DDX60L: variants seen among roughly 807,000 people sequenced by gnomAD.
DDX60L encodes the protein probable ATP-dependent RNA helicase DDX60-like.
A neutral mutation model predicts 211.6 loss-of-function variants in DDX60L; 191 were observed. The ratio of observed to expected loss-of-function variants is 0.90; its 90% CI spans 0.80 to 1.02. The LOEUF is 1.02. Among genes scored for constraint, DDX60L ranks in the 50% least tolerant of loss-of-function variants. The pLI is 0.00. For missense variants in DDX60L, 2,007 were observed against 1,984.1 expected (o/e 1.01, Z -0.22); for synonymous variants, 706 against 694.1 (o/e 1.02, Z -0.27).
chr4:168,422,365 G>A (rs1302607818), intron 16 of DDX60L, among the ~76,000 whole-genome samples, 159 bp downstream of exon 16: 1 of 152,182 alleles, frequency 6.6e-6, no homozygotes, highest in Non-Finnish European at 1.5e-5. Flanking sequence ...GGGAAGAAAT[G>A]AATGATTTCT....
intron 14 of DDX60L, among the ~76,000 whole-genome samples, chr4:168,426,617 G>T (rs557855553): frequency 1.3e-5 from 2 of 152,184 alleles, no homozygotes; most frequent in Non-Finnish European, 2.9e-5. Context: ...TAAAAAGATA[G>T]TCTGGAAGTG....
chr4:168,443,948 A>G (rs2150012841), intron 9 of DDX60L, among the ~76,000 whole-genome samples: 2 of 117,770 alleles, frequency 1.7e-5, no homozygotes, highest in East Asian at 5.0e-4. Context: ...GACCAGCGAG[A>G]CTAGGAAGAA....
intron 30 of DDX60L, 125 bp from the exon 31 acceptor site, chr4:168,379,955 T>A: frequency 5.2e-6 from 3 of 577,514 alleles, no homozygotes; most frequent in Non-Finnish European, 8.9e-6. Flanking sequence ...AAAGTAAATT[T>A]CATTTGATTT....
At chr4:168,376,361 G>T (rs1053362104) in intron 33 of DDX60L, among the ~76,000 whole-genome samples, 2 of 152,000 alleles carry the variant, frequency 1.3e-5, no homozygotes, top group Admixed American at 6.6e-5. Flanking sequence ...ACTAAAATGG[G>T]GCACAAATTA....
Position 168,471,877 on chromosome 4 carries a change from G to A in DDX60L, c.134C>T (p.Ser45Phe), listed in dbSNP as rs768720908. Residue 45 changes from serine to phenylalanine, a missense_variant, in exon 4 of 38, where the codon TCC (serine) becomes TTC (phenylalanine). By Grantham distance (155) the Ser-to-Phe change is radical (BLOSUM62 -2). Transcript: ENST00000682922. ...TACACCCAGGCATGTGACAAGCAAG[G>A]AATCTCCATCAATCACAAAAAAATT... ...ESNFFVIDGD[S>F]LLVTCLGVKS... The A allele has an allele frequency of 1.2e-6, 2 of 1,612,158 alleles. No individual in the cohort carries two copies. Among genetic ancestry groups the A allele is most frequent in the African/African-American group, 1.3e-5 (1 of 74,880 alleles).
chr4:168,379,937 C>A, intron 30 of DDX60L, 107 bp from the exon 31 acceptor site: 2 of 676,328 alleles, frequency 3.0e-6, no homozygotes, highest in Non-Finnish European at 4.7e-6. Context: ...GTTACCAGAT[C>A]TTACGTGAAA....
chr4:168,405,236 G>C (rs1308561105), intron 24 of DDX60L, among the ~76,000 whole-genome samples: 1 of 152,056 alleles, frequency 6.6e-6, no homozygotes, highest in Admixed American at 6.6e-5. Context: ...ACAAGCTTCT[G>C]GCCTCAAGTG....
At chr4:168,383,635 G>A (rs145437461) in intron 30 of DDX60L, among the ~76,000 whole-genome samples, 524 of 152,250 alleles carry the variant, frequency 3.4e-3, no homozygotes, top group African/African-American at 0.012. Flanking sequence ...GGCTTCAAGA[G>A]GTAATTATTT....
At chr4:168,439,916 C>T (rs149713877) in intron 10 of DDX60L, among the ~76,000 whole-genome samples, 2 of 152,286 alleles carry the variant, frequency 1.3e-5, no homozygotes, top group African/African-American at 2.4e-5. Context: ...GAAATACTTA[C>T]GACCTATACT....
chr4:168,421,711 A>G, intron 17 of DDX60L, 49 bp downstream of exon 17: 2 of 1,602,576 alleles, frequency 1.2e-6, no homozygotes, highest in Non-Finnish European at 1.7e-6. Flanking sequence ...TTCTTTTTAA[A>G]GGGGATGTTC....
chr4:168,393,264 G>A (rs2149732487), intron 28 of DDX60L, among the ~76,000 whole-genome samples: 1 of 152,278 alleles, frequency 6.6e-6, no homozygotes, highest in East Asian at 1.9e-4. Context: ...GGGAGGCTGA[G>A]GTGGGCTGAT....
At chr4:168,399,657 A>G (rs950487895) in intron 26 of DDX60L, among the ~76,000 whole-genome samples, 15 of 152,244 alleles carry the variant, frequency 9.9e-5, no homozygotes, top group African/African-American at 3.4e-4. Context: ...AATGCCAAAT[A>G]ACAAATGGCA....
Position 168,472,481 on chromosome 4 carries a change from TA to T in DDX60L, c.47del (p.Leu16Ter). The T allele has an allele frequency of 6.4e-7, 1 of 1,571,912 alleles. No individual in the cohort carries two copies. The highest frequency in any genetic ancestry group is 8.6e-7 in the Non-Finnish European group (1 of 1,157,102). On this transcript the variant is annotated frameshift_variant, in exon 3 of 38. Transcript: ENST00000682922. LOFTEE classifies it high-confidence loss of function. ...HAVFFREMTQ[L>X]ILNEMPKAGY... is the part of the protein sequence containing the mutation. ...CAGCTTTTGGCATTTCATTCAAAAT[TA>T]ACTGTGTCATTTCCCTGAAAAATAC...
chr4:168,369,109 C>A (rs572950606), intron 36 of DDX60L, among the ~76,000 whole-genome samples: 10 of 152,128 alleles, frequency 6.6e-5, no homozygotes, highest in Admixed American at 3.3e-4. Flanking sequence ...TTGGGAGGGG[C>A]CAGGGGCAGA....
chr4:168,424,013 G>C (rs1480593216), intron 14 of DDX60L, among the ~76,000 whole-genome samples: 1 of 152,008 alleles, frequency 6.6e-6, no homozygotes, highest in South Asian at 2.1e-4. Flanking sequence ...GGTAAGTATA[G>C]GCAAAAAAGA....
rs199672076 is a variant in DDX60L, at chr4:168,456,119, A to G, written c.757T>C (p.Trp253Arg). 124 of 1,592,984 alleles carry G rather than the reference A, an allele frequency of 7.8e-5. No homozygotes were observed. Among genetic ancestry groups the G allele is most frequent in the South Asian group, 1.2e-5 (1 of 86,564 alleles). Residue 253 changes from tryptophan to arginine, a missense_variant, in exon 7 of 38, where the codon TGG (tryptophan) becomes CGG (arginine). By Grantham distance (101) the Trp-to-Arg change is moderately radical (BLOSUM62 -3). Transcript: ENST00000682922. ...CGCTGGATGTCCGATCCTTCTGACCATAGGTGCTGAAGCAGAAATAGAGTC... is the reference window on the plus strand; with the variant it reads ...CGCTGGATGTCCGATCCTTCTGACCGTAGGTGCTGAAGCAGAAATAGAGTC... ...YQTLFLLQHL[W>R]SEGSDIQRVL...
chr4:168,390,481 C>T (rs1436275638), intron 29 of DDX60L: 2 of 1,384,780 alleles, frequency 1.4e-6, no homozygotes, highest in Non-Finnish European at 1.9e-6. Flanking sequence ...AACTCCTTTT[C>T]TCTGTAAAAT....
Position 168,384,909 on chromosome 4 carries a change from G to A in DDX60L, c.3916-97C>T. ...CTTTACACTTGTTATCCGGGATTGT[G>A]TTAAATTGTGTATTTAGTCCTGAAA... On this transcript the variant is annotated intron_variant, in intron 29 of 37. Transcript: ENST00000682922. 18 of 1,222,654 alleles carry A rather than the reference G, an allele frequency of 1.5e-5. 1 individual carries two copies. The highest frequency in any genetic ancestry group is 2.0e-4 in the Middle Eastern group (1 of 5,072). The allele number at this position is 1,222,654 out of a possible 1,614,324, so 75.7% of individuals were successfully genotyped here. A position where few individuals can be genotyped will look rare whatever the true frequency, so the allele number is the denominator to read the frequency against.
chr4:168,401,078 T>A (rs547134773), intron 25 of DDX60L, 100 bp from the exon 26 acceptor site: 1 of 1,099,184 alleles, frequency 9.1e-7, no homozygotes, highest in African/African-American at 1.6e-5. Flanking sequence ...CTGAATAGAC[T>A]TCATCCTAGG....
Sources: allele counts gnomAD v4.1 joint callset (sites outside exome capture counted in the v4.1 genomes callset), GRCh38; gene constraint gnomAD v4.1.1; transcripts MANE v1.5; gene names NCBI Gene and HGNC (gene_info 2026-07-23, HGNC 2026-07-21).